Variants in EVL observed in about 807,000 individuals in gnomAD.
The protein encoded by EVL is ena/VASP-like protein.
Under a neutral mutation model 59.6 loss-of-function variants are expected in EVL, and 21 were observed. The observed-to-expected ratio is 0.35, with a 90% CI of 0.25 to 0.51. The LOEUF (loss-of-function observed/expected upper bound fraction) is 0.51, where lower values mean the gene tolerates loss of function less well. Ranked by LOEUF, EVL falls within the 20% of genes least tolerant of loss-of-function variation. The pLI is 0.97. For missense variants in EVL, 462 were observed against 546.6 expected (o/e 0.85, Z 1.54); for synonymous variants, 198 against 203.5 (o/e 0.97, Z 0.23).
chr14:100,111,297 C>A (rs1042477049), intron 3 of EVL, among the ~76,000 whole-genome samples: 1 of 152,010 alleles, frequency 6.6e-6, no homozygotes, highest in African/African-American at 2.4e-5. Context: ...GCTGGGACTA[C>A]AGGCATGCGC....
At chr14:100,094,599 T>TG (rs1396826662) in intron 2 of EVL, among the ~76,000 whole-genome samples, 1 of 148,450 alleles carries the variant, frequency 6.7e-6, no homozygotes, top group Non-Finnish European at 1.5e-5. Flanking sequence ...AAAAATTGGA[T>TG]GGGGCATGGT....
chr14:100,117,513 T>A (rs888144288), intron 3 of EVL, among the ~76,000 whole-genome samples: 1 of 152,108 alleles, frequency 6.6e-6, no homozygotes, highest in Non-Finnish European at 1.5e-5. Context: ...GGCTTTAGAG[T>A]CCTCTCTTTT....
intron 11 of EVL, chr14:100,138,854 G>C (rs1888977367): frequency 6.6e-6 from 1 of 152,452 alleles, no homozygotes; most frequent in Non-Finnish European, 1.5e-5. Context: ...GGAGGAGTCT[G>C]CTCTGCGGAG....
chr14:100,067,415 C>A (rs1043454817), intron 1 of EVL, among the ~76,000 whole-genome samples: 3 of 152,240 alleles, frequency 2.0e-5, no homozygotes, highest in Non-Finnish European at 4.4e-5. Context: ...GAGTGCATGA[C>A]AACGTACAGA....
At chr14:100,106,875 A>C (rs1161991118) in intron 3 of EVL, 14 of 398,498 alleles carry the variant, frequency 3.5e-5, no homozygotes, top group Non-Finnish European at 5.8e-5. Flanking sequence ...GGCCCAAACC[A>C]CTTCCTGATA....
intron 4 of EVL, among the ~76,000 whole-genome samples, chr14:100,126,254 A>G (rs1356969930): frequency 6.6e-6 from 1 of 152,248 alleles, no homozygotes; most frequent in Non-Finnish European, 1.5e-5. Context: ...AGTGGTAAAG[A>G]AAATGAGGAG....
At position 100,020,151 on chromosome 14, in the gene EVL, TC is replaced by T. The variant is rs541837444; in HGVS notation, c.5+48095del. On this transcript the variant is annotated intron_variant, in intron 1 of 13. Transcript: ENST00000402714. ...ATAGTTGAGATTTGATTTTGGCTCT[TC>T]TTGTCTTCATTATTTTTAGTAGTAA... 1.4e-4 allele frequency among the ~76,000 whole-genome samples: 21 copies of T among 152,336 alleles called. 1 individual carries two copies. In the South Asian group the frequency reaches 4.3e-3, roughly 32 times the overall value.
chr14:100,143,668 G>A, intron 13 of EVL, 33 bp from the exon 14 acceptor site: 1 of 1,606,632 alleles, frequency 6.2e-7, no homozygotes, highest in Non-Finnish European at 8.5e-7. Flanking sequence ...ACTGGTCATG[G>A]CTGCACCTGA....
At chr14:100,134,249 A>C (rs1888629035) in intron 8 of EVL, among the ~76,000 whole-genome samples, 1 of 152,196 alleles carries the variant, frequency 6.6e-6, no homozygotes, top group African/African-American at 2.4e-5. Context: ...CGCTCCAGCC[A>C]CAGCCCTGGG....
intron 3 of EVL, among the ~76,000 whole-genome samples, chr14:100,100,157 A>G (rs1886114849): frequency 6.6e-6 from 1 of 152,074 alleles, no homozygotes; most frequent in Admixed American, 6.6e-5. Context: ...TGAGGAAACA[A>G]CTTCTCGTTG....
chr14:100,100,003 C>CAAA (rs34709493), intron 3 of EVL, among the ~76,000 whole-genome samples: 18 of 21,194 alleles, frequency 8.5e-4, no homozygotes, highest in African/African-American at 1.8e-3. Context: ...ACCTTGGGGG[C>CAAA]AAAAAAAAAA....
At chr14:99,990,239 G>A (rs560566248) in intron 1 of EVL, among the ~76,000 whole-genome samples, 20 of 152,122 alleles carry the variant, frequency 1.3e-4, no homozygotes, top group Non-Finnish European at 2.5e-4. Flanking sequence ...AATTTACTTT[G>A]CTCAGATTCA....
At chr14:100,073,110 T>A (rs1299866178) in intron 1 of EVL, among the ~76,000 whole-genome samples, 1 of 152,174 alleles carries the variant, frequency 6.6e-6, no homozygotes, top group African/African-American at 2.4e-5. Flanking sequence ...GGGTAGGTGT[T>A]GAGAAGTGAT....
intron 3 of EVL, 85 bp from the exon 4 acceptor site, chr14:100,123,454 G>A: frequency 7.5e-7 from 1 of 1,340,380 alleles, no homozygotes; most frequent in Admixed American, 1.9e-5. Context: ...GCCAGAAGGT[G>A]GGCAGAGATA....
At chr14:99,978,686 T>G (rs1295771733) in intron 1 of EVL, among the ~76,000 whole-genome samples, 7 of 152,384 alleles carry the variant, frequency 4.6e-5, no homozygotes, top group African/African-American at 1.7e-4. Flanking sequence ...TGATTATTTA[T>G]AAGCAATTTG....
chr14:100,077,904 C>T (rs2062199757), intron 1 of EVL, among the ~76,000 whole-genome samples: 1 of 152,080 alleles, frequency 6.6e-6, no homozygotes. Flanking sequence ...TCCGGAGTAG[C>T]TGGGACTACA....
At chr14:100,019,460 C>A in intron 1 of EVL, 1 of 539,526 alleles carries the variant, frequency 1.9e-6, no homozygotes, top group East Asian at 3.3e-5. Context: ...TAGCTGCCTC[C>A]CCTGTTAGCT....
intron 1 of EVL, among the ~76,000 whole-genome samples, chr14:100,027,850 T>A (rs1313983317): frequency 6.6e-6 from 1 of 152,120 alleles, no homozygotes; most frequent in Non-Finnish European, 1.5e-5. Context: ...AATTTTTGTA[T>A]TTTTAGTAGA....
intron 3 of EVL, among the ~76,000 whole-genome samples, chr14:100,115,803 A>G (rs1595208072): frequency 1.3e-5 from 2 of 152,236 alleles, no homozygotes; most frequent in East Asian, 1.9e-4. Flanking sequence ...TAAGCAAGCA[A>G]CTAAGCTGTC....
Sources: gnomAD v4.1 joint callset for allele counts (sites outside exome capture counted in the v4.1 genomes callset) on GRCh38, gnomAD v4.1.1 for gene constraint, MANE v1.5 for transcripts, NCBI Gene and HGNC (gene_info 2026-07-23, HGNC 2026-07-21) for gene names.